Variants in UTP4 observed in about 807,000 individuals in gnomAD.
The protein encoded by UTP4 is UTP4 small subunit processome component.
A neutral mutation model predicts 82.4 loss-of-function variants in UTP4; 45 were observed. The observed-to-expected ratio is 0.55, with a 90% CI of 0.43 to 0.70. The LOEUF is 0.70. UTP4 is among the 30% of genes least tolerant of loss of function. The pLI is 0.00. For synonymous variants in UTP4, 348 were observed against 300.3 expected (o/e 1.16, Z -1.64); for missense variants, 819 against 858.3 (o/e 0.95, Z 0.57).
At chr16:69,165,870 T>C in intron 15 of UTP4, 1 of 418,190 alleles carries the variant, frequency 2.4e-6, no homozygotes, top group Non-Finnish European at 4.5e-6. Context: ...GAAGTATCAT[T>C]GATTTGGCTA....
rs1007692002 is a variant in UTP4 at position 69,143,462 on chromosome 16, C to T, written c.738+73C>T. 105 of 1,333,878 alleles carry T rather than the reference C, an allele frequency of 7.9e-5. 1 individual carries two copies. The highest frequency in any genetic ancestry group is 7.1e-4 in the African/African-American group (49 of 69,334). The allele number at this position is 1,333,878 out of a possible 1,614,324, so 82.6% of individuals were successfully genotyped here. ...TGAGTTGAGAAAGCAGCCTTAGTGA[C>T]GTGCCATGAACACTGGTTCCTGATC... On this transcript the variant is annotated intron_variant, in intron 6 of 16. Transcript: ENST00000314423.
At chr16:69,155,172 GT>G (rs1235334404) in intron 10 of UTP4, among the ~76,000 whole-genome samples, 1 of 151,880 alleles carries the variant, frequency 6.6e-6, no homozygotes, top group Non-Finnish European at 1.5e-5. Flanking sequence ...TGGTTTTTTT[GT>G]TTGTTTGCTT....
intron 6 of UTP4, among the ~76,000 whole-genome samples, chr16:69,147,199 T>C (rs905577613): frequency 7.1e-6 from 1 of 141,202 alleles, no homozygotes; most frequent in Non-Finnish European, 1.5e-5. Flanking sequence ...ATAATAATAA[T>C]AATAATAATA....
chr16:69,134,702 C>CT (rs751705922), intron 2 of UTP4, among the ~76,000 whole-genome samples: 2,146 of 131,456 alleles, frequency 0.016, 24 homozygotes, highest in African/African-American at 0.029. Context: ...TTTTCTTTTT[C>CT]TTTTTTTTTT....
At chr16:69,168,361 G>A (rs1394493283) in intron 16 of UTP4, among the ~76,000 whole-genome samples, 1 of 151,412 alleles carries the variant, frequency 6.6e-6, no homozygotes, top group Non-Finnish European at 1.5e-5. Context: ...GCGTGAACCC[G>A]GGAGGCGGAG....
rs1963335330 is a variant in UTP4 at position 69,153,635 on chromosome 16, G to T, written c.1054G>T (p.Ala352Ser). Residue 352 changes from alanine (A) to serine (S), a missense_variant, in exon 9 of 17, where the codon GCT becomes TCT. Ala to Ser is a moderately conservative substitution (Grantham distance 99). Coordinates refer to ENST00000314423, the MANE Select transcript of UTP4 (RefSeq NM_032830.3). ...GAGGCAGCTTCTCCTCTTCCAGTTT[G>T]CTCATCACTTAGAACTTTGGCGACT... is the stretch of plus-strand genomic sequence containing the variant. ...KKRQLLLFQFAHHLELWRLGS... is the reference protein window; with the variant it reads ...KKRQLLLFQFSHHLELWRLGS... The T allele has an allele frequency of 1.2e-6, 2 of 1,613,438 alleles. No homozygotes were observed. The highest frequency in any genetic ancestry group is 1.1e-5 in the South Asian group (1 of 90,870).
intron 2 of UTP4, 53 bp downstream of exon 2, chr16:69,133,671 T>G (rs921404699): frequency 6.4e-7 from 1 of 1,569,372 alleles, no homozygotes; most frequent in African/African-American, 1.4e-5. Flanking sequence ...TCTTCTGAAG[T>G]TCAAGAAGCT....
chr16:69,151,315 C>CT (rs200562360), intron 8 of UTP4, among the ~76,000 whole-genome samples: 9 of 141,850 alleles, frequency 6.3e-5, no homozygotes, highest in Admixed American at 2.1e-4. Flanking sequence ...CTTTGTGGTC[C>CT]TTTTTTTTTC....
rs1963652990 is a variant in UTP4, at chr16:69,164,602, A to ATATG, written c.1648-736_1648-735insGTAT. ...AATCATTCTTTATATATATATATAT[A>ATATG]TATATATATATATGTATATATATAT... On this transcript the variant is annotated intron_variant, in intron 14 of 16. Coordinates refer to ENST00000314423, the MANE Select transcript of UTP4 (RefSeq NM_032830.3). Among the ~76,000 whole-genome samples, 3 of 144,268 alleles carry ATATG rather than the reference A, an allele frequency of 2.1e-5. No individual in the cohort carries two copies. In the South Asian group the frequency reaches 6.4e-4, roughly 31 times the overall value. The allele number at this position is 144,268 out of a possible 152,430, so 94.6% of individuals were successfully genotyped here. A position where few individuals can be genotyped will look rare whatever the true frequency, so the allele number is the denominator to read the frequency against.
chr16:69,159,785 C>G (rs541453090), intron 12 of UTP4, among the ~76,000 whole-genome samples: 1 of 152,040 alleles, frequency 6.6e-6, no homozygotes, highest in East Asian at 1.9e-4. Context: ...GTCAGGAGTT[C>G]AAGACCAGCC....
intron 13 of UTP4, among the ~76,000 whole-genome samples, chr16:69,162,031 A>G (rs1963575281): frequency 6.7e-6 from 1 of 150,020 alleles, no homozygotes; most frequent in Non-Finnish European, 1.5e-5. Context: ...GTGGTGGCGC[A>G]GTCTCTGCTC....
intron 2 of UTP4, among the ~76,000 whole-genome samples, chr16:69,134,408 G>C (rs1000915406): frequency 1.3e-5 from 2 of 152,132 alleles, no homozygotes; most frequent in African/African-American, 4.8e-5. Context: ...TCAAAGACCA[G>C]TGGGAGAAAG....
At chr16:69,140,047 C>A in intron 5 of UTP4, 133 bp downstream of exon 5, 1 of 738,688 alleles carries the variant, frequency 1.4e-6, no homozygotes, top group South Asian at 1.4e-5. Flanking sequence ...TCTGAGATGT[C>A]CACAATTAAT....
intron 12 of UTP4, among the ~76,000 whole-genome samples, chr16:69,159,999 A>G (rs1323249052): frequency 6.6e-6 from 1 of 151,466 alleles, no homozygotes; most frequent in African/African-American, 2.4e-5. Context: ...AAAAAAAAAC[A>G]AAAAACAGAA....
chr16:69,159,684 C>G (rs1423269822), intron 12 of UTP4, among the ~76,000 whole-genome samples: 3 of 149,934 alleles, frequency 2.0e-5, no homozygotes, highest in Non-Finnish European at 4.4e-5. Flanking sequence ...GAGACTCCGT[C>G]TAAAAAAAGA....
intron 14 of UTP4, 143 bp from the exon 15 acceptor site, chr16:69,165,194 CAAAA>C: frequency 1.0e-5 from 6 of 590,632 alleles, no homozygotes; most frequent in South Asian, 2.1e-5. Flanking sequence ...GACTCCATCT[CAAAA>C]AAAAAAAAAA....
At position 69,144,073 on chromosome 16, in the gene UTP4, A is replaced by G. The variant is rs140231666; in HGVS notation, c.738+684A>G. ...CAGCTAATTTTTATATTTTTAGTAG[A>G]GATGGGGTTTCACCATGTTGGGCAG... On this transcript the variant is annotated intron_variant, in intron 6 of 16. Coordinates refer to ENST00000314423, the MANE Select transcript of UTP4 (RefSeq NM_032830.3). 5.0e-3 allele frequency among the ~76,000 whole-genome samples: 747 copies of G among 150,454 alleles called. 3 individuals carry two copies. The highest frequency in any genetic ancestry group is 0.018 in the African/African-American group (728 of 40,692).
intron 6 of UTP4, among the ~76,000 whole-genome samples, chr16:69,146,883 G>T (rs1188019793): frequency 6.6e-6 from 1 of 150,524 alleles, no homozygotes; most frequent in Admixed American, 6.6e-5. Context: ...GGCGCCTGTA[G>T]TCCCAGCTAC....
intron 4 of UTP4, 142 bp from the exon 5 acceptor site, chr16:69,139,664 AAATAAATAAATAAATAAAT>A (rs1962905366): frequency 8.0e-6 from 2 of 248,490 alleles, no homozygotes; most frequent in Non-Finnish European, 1.5e-5. Flanking sequence ...ATAAATAAAT[AAATAAATAAATAAATAAAT>A]AAAATGGTGC....
Sources: gnomAD v4.1 joint callset for allele counts (sites outside exome capture counted in the v4.1 genomes callset) on GRCh38, gnomAD v4.1.1 for gene constraint, MANE v1.5 for transcripts, NCBI Gene and HGNC (gene_info 2026-07-23, HGNC 2026-07-21) for gene names.